BAZ1B: variants seen among roughly 807,000 people sequenced by gnomAD.
The protein encoded by BAZ1B is bromodomain adjacent to zinc finger domain 1B.
In BAZ1B, 22 loss-of-function variants were observed where a neutral mutation model predicts 153.8. The ratio of observed to expected loss-of-function variants is 0.14; its 90% CI spans 0.10 to 0.20. BAZ1B has a LOEUF of 0.20. Ranked by LOEUF, BAZ1B falls within the 10% of genes least tolerant of loss-of-function variation. The pLI, the probability that BAZ1B is intolerant of heterozygous loss-of-function variation, is 1.00. For missense variants in BAZ1B, 1,325 were observed against 1,799.3 expected (o/e 0.74, Z 4.77); for synonymous variants, 676 against 633.4 (o/e 1.07, Z -1.01).
chr7:73,505,017 G>A (rs1379385131), intron 3 of BAZ1B, among the ~76,000 whole-genome samples: 1 of 152,164 alleles, frequency 6.6e-6, no homozygotes, highest in Non-Finnish European at 1.5e-5. Flanking sequence ...AGCACAAACT[G>A]CTGCTGAGCT....
Position 73,444,085 on chromosome 7 carries a change from G to A in BAZ1B, c.3889C>T (p.Pro1297Ser). The change falls in exon 17 of 20, where the codon CCT becomes TCT. Residue 1297 changes from proline (P) to serine (S), a missense_variant. Physicochemically the swap from Pro to Ser is moderately conservative, Grantham distance 74. Around this residue, in one of 9 missense-constraint regions of BAZ1B, gnomAD observed 271 missense variants for 337.2 expected, o/e 0.80. Transcript: ENST00000339594. ...TIRGKHSVIP[P>S]AARSGRRPGK... ...GGGCGCCGGCCTGACCTTGCTGCAG[G>A]GGGGATGACGCTGTGCTTGCCCCGG... 2 of 1,612,846 alleles carry A rather than the reference G, an allele frequency of 1.2e-6. No homozygotes were observed. The highest frequency in any genetic ancestry group is 2.2e-5 in the South Asian group (2 of 90,810).
At chr7:73,474,178 A>G (rs146246087) in intron 7 of BAZ1B, among the ~76,000 whole-genome samples, 226 of 151,820 alleles carry the variant, frequency 1.5e-3, no homozygotes, top group African/African-American at 5.2e-3. Flanking sequence ...AGGCCATTCA[A>G]TGGGGAAAGG....
chr7:73,504,667 A>G (rs1554577545), intron 3 of BAZ1B, among the ~76,000 whole-genome samples: 1 of 151,938 alleles, frequency 6.6e-6, no homozygotes, highest in Non-Finnish European at 1.5e-5. Flanking sequence ...CTGTCTCAAA[A>G]GAAAAAAAAA....
At chr7:73,502,821 A>G (rs1790189056) in intron 3 of BAZ1B, among the ~76,000 whole-genome samples, 1 of 152,154 alleles carries the variant, frequency 6.6e-6, no homozygotes, top group Non-Finnish European at 1.5e-5. Context: ...TCTCCCAGTA[A>G]GCCTACGCAC....
At chr7:73,461,384 A>G (rs1788391469) in intron 12 of BAZ1B, among the ~76,000 whole-genome samples, 1 of 152,256 alleles carries the variant, frequency 6.6e-6, no homozygotes, top group African/African-American at 2.4e-5. Context: ...TGCCAATTAG[A>G]AGATAACGTT....
intron 11 of BAZ1B, among the ~76,000 whole-genome samples, chr7:73,463,743 T>C (rs1788477034): frequency 6.6e-6 from 1 of 152,104 alleles, no homozygotes; most frequent in Admixed American, 6.6e-5. Flanking sequence ...AATGTCGCTC[T>C]GTTGCCCAGA....
At chr7:73,467,530 C>T (rs1029095915) in intron 9 of BAZ1B, among the ~76,000 whole-genome samples, 2 of 151,136 alleles carry the variant, frequency 1.3e-5, no homozygotes, top group African/African-American at 2.4e-5. Context: ...CCACCACACC[C>T]GGCTAATTTT....
At position 73,440,711 on chromosome 7, in the gene BAZ1B, A is replaced by C. The variant is rs1787580197; in HGVS notation, c.*998T>G. 1 of 152,512 alleles carries C rather than the reference A, an allele frequency of 6.6e-6. No homozygotes were observed. Among genetic ancestry groups the C allele is most frequent in the African/African-American group, 2.4e-5 (1 of 41,454 alleles). 9.4% of individuals were successfully genotyped at this position (152,512 alleles called of 1,614,324 possible). Reference sequence around the variant, plus strand: ...GGAGCAATCCTCGTCGTCCTTGGGCAGGAGGACGGAGGAAGCAGAGGCCAC... The same window carrying C: ...GGAGCAATCCTCGTCGTCCTTGGGCCGGAGGACGGAGGAAGCAGAGGCCAC... On this transcript the variant is annotated 3_prime_UTR_variant, in exon 20 of 20. Coordinates refer to ENST00000339594, the MANE Select transcript of BAZ1B (RefSeq NM_032408.4).
At chr7:73,484,815 C>A (rs1160108279) in intron 6 of BAZ1B, among the ~76,000 whole-genome samples, 1 of 151,984 alleles carries the variant, frequency 6.6e-6, no homozygotes, top group Non-Finnish European at 1.5e-5. Flanking sequence ...ACAAAATAAC[C>A]GGGTTCTATT....
In BAZ1B at chr7:73,449,660, C is replaced by T. The variant is rs1554567689; in HGVS notation, c.3610G>A (p.Glu1204Lys). The change falls in exon 15 of 20, where the codon GAG becomes AAG. Residue 1204 changes from glutamate to lysine, a missense_variant. This residue lies in a region of BAZ1B where 21 missense variants were observed against 58.3 expected (regional missense o/e 0.36). Coordinates refer to ENST00000339594, the MANE Select transcript of BAZ1B (RefSeq NM_032408.4). The stretch of plus-strand genomic sequence containing the variant: ...AACAGGTGGAAGGCTTTATTACACT[C>T]ATCACACAAGATCAATTTGTCATCC... ...GEDDKLILCD[E>K]CNKAFHLFCL... 1.2e-6 allele frequency: 2 copies of T among 1,614,122 alleles called. No individual in the cohort carries two copies. Among genetic ancestry groups the T allele is most frequent in the Admixed American group, 3.3e-5 (2 of 59,996 alleles).
intron 7 of BAZ1B, among the ~76,000 whole-genome samples, chr7:73,475,284 C>G (rs994885837): frequency 1.3e-5 from 2 of 152,138 alleles, no homozygotes; most frequent in African/African-American, 4.8e-5. Flanking sequence ...ATATTTATGG[C>G]AGCATTGTTC....
At chr7:73,505,271 C>T (rs568625151) in intron 3 of BAZ1B, among the ~76,000 whole-genome samples, 1 of 152,276 alleles carries the variant, frequency 6.6e-6, no homozygotes, top group Admixed American at 6.5e-5. Context: ...TATTCCCTCA[C>T]TCTGAATACA....
chr7:73,505,997 C>G (rs566610770), intron 3 of BAZ1B, among the ~76,000 whole-genome samples: 9 of 152,194 alleles, frequency 5.9e-5, no homozygotes, highest in Non-Finnish European at 1.3e-4. Flanking sequence ...AGGCTACCTA[C>G]CACTTCAAGA....
chr7:73,511,080 A>G (rs1345918256), intron 1 of BAZ1B, among the ~76,000 whole-genome samples: 1 of 152,064 alleles, frequency 6.6e-6, no homozygotes, highest in Non-Finnish European at 1.5e-5. Flanking sequence ...CAGCCTGGCT[A>G]ACACGGTGAA....
rs1170825477 is a variant in BAZ1B, at chr7:73,463,042, T to C, written c.3129A>G (p.Lys1043=). 15 of 1,613,864 alleles carry C rather than the reference T, an allele frequency of 9.3e-6. No homozygotes were observed. Among genetic ancestry groups the C allele is most frequent in the African/African-American group, 5.3e-5 (4 of 74,862 alleles). ...AAAGCTCCTGGTTGCCATCACAAGA[T>C]TTTAGACCCAAATTTGGCTTCCGTG... ...HLARKPNLGL[K]SCDGNQELLN... The change falls in exon 12 of 20, where the codon AAA becomes AAG. Residue 1043 remains lysine (K), a synonymous_variant. Coordinates refer to ENST00000339594, the MANE Select transcript of BAZ1B (RefSeq NM_032408.4).
intron 10 of BAZ1B, 151 bp downstream of exon 10, chr7:73,466,145 T>C: frequency 1.7e-6 from 1 of 575,340 alleles, no homozygotes; most frequent in Admixed American, 3.4e-5. Context: ...TCAGGTCTGC[T>C]AATGCAAGAA....
chr7:73,487,140 T>G (rs2116371212), intron 6 of BAZ1B, among the ~76,000 whole-genome samples: 1 of 152,360 alleles, frequency 6.6e-6, no homozygotes, highest in South Asian at 2.1e-4. Context: ...AGTCTTAACC[T>G]AAATTATAGC....
chr7:73,443,883 G>A (rs1389374817), intron 17 of BAZ1B, 101 bp downstream of exon 17: 5 of 1,534,628 alleles, frequency 3.3e-6, no homozygotes, highest in Non-Finnish European at 4.5e-6. Context: ...AAGGAGGAGG[G>A]GGGAGGCTCC....
At chr7:73,468,653 T>C (rs1178817864) in intron 9 of BAZ1B, among the ~76,000 whole-genome samples, 1 of 152,120 alleles carries the variant, frequency 6.6e-6, no homozygotes, top group East Asian at 1.9e-4. Context: ...AGAAAGAATA[T>C]TACCAGTGTC....
Sources: gnomAD v4.1 joint callset for allele counts (sites outside exome capture counted in the v4.1 genomes callset) on GRCh38, gnomAD v4.1.1 for gene constraint, gnomAD v4.1.1 regional missense constraint, MANE v1.5 for transcripts, NCBI Gene and HGNC (gene_info 2026-07-23, HGNC 2026-07-21) for gene names.